Variants in CTNNA3 observed in about 807,000 individuals in gnomAD.
The protein encoded by CTNNA3 is catenin alpha 3.
A neutral mutation model predicts 95.7 loss-of-function variants in CTNNA3; 76 were observed. That is an observed-to-expected ratio of 0.79 (90% confidence interval 0.66 to 0.96). The LOEUF (loss-of-function observed/expected upper bound fraction) is 0.96, where lower values mean the gene tolerates loss of function less well. Ranked by LOEUF, CTNNA3 falls within the 40% of genes least tolerant of loss-of-function variation. CTNNA3 has a pLI of 0.00. For missense variants in CTNNA3, 1,191 were observed against 1,089.8 expected (o/e 1.09, Z -1.31); for synonymous variants, 431 against 374.4 (o/e 1.15, Z -1.74).
At chr10:66,112,856 G>T (rs1036669366) in intron 13 of CTNNA3, among the ~76,000 whole-genome samples, 1 of 151,806 alleles carries the variant, frequency 6.6e-6, no homozygotes, top group Non-Finnish European at 1.5e-5. Context: ...TCACATTTTA[G>T]TTACCCTTTC....
At chr10:66,529,556 C>G (rs990494027) in intron 10 of CTNNA3, among the ~76,000 whole-genome samples, 2 of 151,456 alleles carry the variant, frequency 1.3e-5, no homozygotes, top group Non-Finnish European at 2.9e-5. Context: ...TCTTTCCCTT[C>G]ACCTTCCTTT....
chr10:66,623,698 T>C (rs1844831732), intron 9 of CTNNA3, among the ~76,000 whole-genome samples: 1 of 143,140 alleles, frequency 7.0e-6, no homozygotes, highest in Non-Finnish European at 1.6e-5. Context: ...AACTGTTCTG[T>C]CAAAGTTACT....
At chr10:66,328,705 G>A (rs2092286294) in intron 12 of CTNNA3, among the ~76,000 whole-genome samples, 1 of 151,306 alleles carries the variant, frequency 6.6e-6, no homozygotes, top group African/African-American at 2.4e-5. Flanking sequence ...AGGCTGAGAA[G>A]CCCACAATAT....
rs150734357 is a variant in CTNNA3, at chr10:66,069,401, G to A, written c.2066C>T (p.Ala689Val). ...DFKKVKSKLD[A>V]EIEIWDDTSN... The stretch of plus-strand genomic sequence containing the variant: ...TGTATCATCCCATATCTCAATCTCA[G>A]CATCCAGCTTACTCTTTACTTTCTT... Residue 689 changes from alanine to valine, a missense_variant, in exon 15 of 18, where the codon GCT (alanine) becomes GTT (valine). Physicochemically the swap from Ala to Val is moderately conservative, Grantham distance 64. Transcript: ENST00000433211. 1.5e-4 allele frequency: 246 copies of A among 1,613,438 alleles called. No homozygotes were observed. Among genetic ancestry groups the A allele is most frequent in the Non-Finnish European group, 1.9e-4 (221 of 1,179,612 alleles).
At chr10:66,451,077 C>A (rs2093460745) in intron 11 of CTNNA3, among the ~76,000 whole-genome samples, 1 of 152,076 alleles carries the variant, frequency 6.6e-6, no homozygotes, top group Non-Finnish European at 1.5e-5. Flanking sequence ...CATACACACA[C>A]ATACACTCAC....
chr10:67,477,557 C>G (rs2133043603), intron 5 of CTNNA3, among the ~76,000 whole-genome samples: 1 of 152,276 alleles, frequency 6.6e-6, no homozygotes, highest in East Asian at 1.9e-4. Flanking sequence ...AAGTGCAGCC[C>G]TATAGTGCGT....
Position 67,654,363 on chromosome 10 carries a change from T to C in CTNNA3, c.-5-6845A>G, listed in dbSNP as rs145117583. Among the ~76,000 whole-genome samples the C allele has an allele frequency of 6.0e-4, 92 of 152,302 alleles. 2 individuals carry two copies. Among genetic ancestry groups the C allele is most frequent in the African/African-American group, 2.1e-3 (87 of 41,578 alleles). On this transcript the variant is annotated intron_variant, in intron 1 of 17. Transcript: ENST00000433211. ...CACTTCCCAATACAAACGTTAAAGATAGGCCTGCCCAGACTTTCTAGCACT... is the reference window on the plus strand; with the variant it reads ...CACTTCCCAATACAAACGTTAAAGACAGGCCTGCCCAGACTTTCTAGCACT...
At chr10:66,987,592 A>G (rs1435019389) in intron 7 of CTNNA3, among the ~76,000 whole-genome samples, 2 of 152,174 alleles carry the variant, frequency 1.3e-5, no homozygotes, top group Non-Finnish European at 2.9e-5. Flanking sequence ...TCCAGTTACT[A>G]CTGTCTCATT....
intron 7 of CTNNA3, among the ~76,000 whole-genome samples, chr10:66,942,165 T>C (rs1300322314): frequency 6.6e-6 from 1 of 152,146 alleles, no homozygotes; most frequent in African/African-American, 2.4e-5. Flanking sequence ...AAAAGTTAGT[T>C]TTCTCCTGTC....
chr10:67,154,452 T>C (rs1861212046), intron 7 of CTNNA3, among the ~76,000 whole-genome samples: 1 of 152,220 alleles, frequency 6.6e-6, no homozygotes, highest in Non-Finnish European at 1.5e-5. Flanking sequence ...GCTGTATTTC[T>C]CATTGAATTA....
intron 5 of CTNNA3, among the ~76,000 whole-genome samples, chr10:67,457,998 T>C (rs549236224): frequency 1.3e-5 from 2 of 152,274 alleles, no homozygotes; most frequent in East Asian, 1.9e-4. Context: ...AATTAGAGCA[T>C]AGAAATCTTG....
rs573297978 is a variant in CTNNA3 at position 67,176,071 on chromosome 10, A to G, written c.1047+4246T>C. Among the ~76,000 whole-genome samples the G allele has an allele frequency of 2.7e-3, 409 of 152,280 alleles. 3 individuals are homozygous for G. The highest frequency in any genetic ancestry group is 9.3e-3 in the African/African-American group (388 of 41,578). On this transcript the variant is annotated intron_variant, in intron 7 of 17. Coordinates refer to ENST00000433211, the MANE Select transcript of CTNNA3 (RefSeq NM_013266.4). ...CCCTAAGTTTTAAAAGACAAAAGCT[A>G]TATTTTTTCTGATCCTAAATGTTTC...
intron 11 of CTNNA3, among the ~76,000 whole-genome samples, chr10:66,501,348 G>A (rs1259395588): frequency 6.6e-6 from 1 of 152,136 alleles, no homozygotes; most frequent in Non-Finnish European, 1.5e-5. Context: ...AAGACTGGAT[G>A]TCACAGAATT....
At chr10:67,485,976 A>G (rs542368157) in intron 5 of CTNNA3, among the ~76,000 whole-genome samples, 2 of 152,336 alleles carry the variant, frequency 1.3e-5, no homozygotes, top group South Asian at 4.1e-4. Context: ...ATCTTCTGCT[A>G]TTTAAAAATT....
chr10:66,889,990 C>A (rs748047040), intron 7 of CTNNA3, among the ~76,000 whole-genome samples: 15 of 152,056 alleles, frequency 9.9e-5, no homozygotes, highest in Non-Finnish European at 2.2e-4. Flanking sequence ...GGGGTTTCAC[C>A]ATGTTGGCTA....
At chr10:67,642,692 G>A (rs946755769) in intron 2 of CTNNA3, among the ~76,000 whole-genome samples, 1 of 151,322 alleles carries the variant, frequency 6.6e-6, no homozygotes, top group African/African-American at 2.5e-5. Flanking sequence ...ACTCCAGCCT[G>A]GGTGACAGAG....
intron 17 of CTNNA3, among the ~76,000 whole-genome samples, chr10:65,956,131 C>T (rs1266977329): frequency 1.3e-5 from 2 of 152,114 alleles, no homozygotes; most frequent in African/African-American, 4.8e-5. Context: ...GTGTATGTGT[C>T]CAGCAATTTA....
Position 67,210,226 on chromosome 10 carries a change from G to C in CTNNA3, c.843+9381C>G, listed in dbSNP as rs149071743. 9.7e-4 allele frequency among the ~76,000 whole-genome samples: 148 copies of C among 152,238 alleles called. 2 individuals carry two copies. Among genetic ancestry groups the C allele is most frequent in the African/African-American group, 3.5e-3 (144 of 41,564 alleles). ...GGAGGCTGAGGCAGGAGAATTGCTT[G>C]AACCTGGGAGGCAGAGATTGCAGTG... On this transcript the variant is annotated intron_variant, in intron 6 of 17. Transcript: ENST00000433211.
intron 12 of CTNNA3, among the ~76,000 whole-genome samples, chr10:66,324,147 T>A (rs2092224968): frequency 6.6e-6 from 1 of 151,580 alleles, no homozygotes; most frequent in Non-Finnish European, 1.5e-5. Context: ...TGGTGAAGCC[T>A]CATCTCTACT....
Sources: gnomAD v4.1 joint callset for allele counts (sites outside exome capture counted in the v4.1 genomes callset) on GRCh38, gnomAD v4.1.1 for gene constraint, MANE v1.5 for transcripts, NCBI Gene and HGNC (gene_info 2026-07-23, HGNC 2026-07-21) for gene names.